MAGI1: variants seen among roughly 807,000 people sequenced by gnomAD.
MAGI1 encodes the protein membrane-associated guanylate kinase, WW and PDZ domain-containing protein 1.
Under a neutral mutation model 139.9 loss-of-function variants are expected in MAGI1, and 58 were observed. That is an observed-to-expected ratio of 0.41 (90% CI 0.34 to 0.52). The LOEUF is 0.52. Ranked by LOEUF, MAGI1 falls within the 20% of genes least tolerant of loss-of-function variation. The pLI, the probability that MAGI1 is intolerant of heterozygous loss-of-function variation, is 0.12. For synonymous variants in MAGI1, 812 were observed against 737.9 expected (o/e 1.10, Z -1.63); for missense variants, 1,874 against 1,901.6 (o/e 0.99, Z 0.27).
chr3:65,919,072 G>C (rs554413737), intron 1 of MAGI1, among the ~76,000 whole-genome samples: 145 of 152,328 alleles, frequency 9.5e-4, no homozygotes, highest in African/African-American at 2.5e-3. Context: ...GGTTAACATT[G>C]ATCTGTGAAG....
At chr3:65,459,375 G>A (rs1466657681) in intron 5 of MAGI1, among the ~76,000 whole-genome samples, 1 of 152,170 alleles carries the variant, frequency 6.6e-6, no homozygotes, top group Non-Finnish European at 1.5e-5. Context: ...CATTGAATGT[G>A]TAGACTTCTT....
chr3:65,892,447 A>T (rs1045122160), intron 1 of MAGI1, among the ~76,000 whole-genome samples: 1 of 152,254 alleles, frequency 6.6e-6, no homozygotes, highest in Admixed American at 6.5e-5. Context: ...AGATTTTATT[A>T]AGTGGCATAC....
In MAGI1 at chr3:66,038,673, C is replaced by G. The variant is rs954684653; in HGVS notation, c.-365G>C. 9 of 193,124 alleles carry G rather than the reference C, an allele frequency of 4.7e-5. No individual in the cohort carries two copies. Among genetic ancestry groups the G allele is most frequent in the Non-Finnish European group, 6.3e-5 (6 of 95,904 alleles). 12.0% of individuals were successfully genotyped at this position (193,124 alleles called of 1,614,324 possible). A position where few individuals can be genotyped will look rare whatever the true frequency, so the allele number is the denominator to read the frequency against. On this transcript the variant is annotated 5_prime_UTR_variant, in exon 1 of 23. Coordinates refer to ENST00000402939, the MANE Select transcript of MAGI1 (RefSeq NM_001033057.2). ...TCTCTTGCCTTTTACAAATGCGGTGCCTCCTCTTTGCCTCCCGCCCGGCTC... is the reference window on the plus strand; with the variant it reads ...TCTCTTGCCTTTTACAAATGCGGTGGCTCCTCTTTGCCTCCCGCCCGGCTC...
At chr3:65,876,226 G>A (rs960071482) in intron 1 of MAGI1, among the ~76,000 whole-genome samples, 2 of 152,054 alleles carry the variant, frequency 1.3e-5, no homozygotes, top group African/African-American at 4.8e-5. Context: ...GGAGGCTGAT[G>A]CAAGAGGATC....
chr3:65,708,312 T>C (rs184388121), intron 1 of MAGI1, among the ~76,000 whole-genome samples: 180 of 152,312 alleles, frequency 1.2e-3, no homozygotes, highest in Non-Finnish European at 2.0e-3. Flanking sequence ...TTAGCTTTCA[T>C]TGGGATAAGT....
intron 2 of MAGI1, chr3:65,609,869 G>C (rs903769451): frequency 2.0e-5 from 4 of 201,976 alleles, no homozygotes; most frequent in Middle Eastern, 9.6e-4. Context: ...GAGCCATCAC[G>C]CCCTGCTTCC....
intron 12 of MAGI1, among the ~76,000 whole-genome samples, chr3:65,424,155 A>G (rs1445637421): frequency 6.6e-6 from 1 of 152,198 alleles, no homozygotes; most frequent in East Asian, 1.9e-4. Flanking sequence ...TATCATGGTA[A>G]CACAGCTTGA....
At chr3:66,000,258 A>C (rs1414696290) in intron 1 of MAGI1, among the ~76,000 whole-genome samples, 1 of 152,002 alleles carries the variant, frequency 6.6e-6, no homozygotes, top group Non-Finnish European at 1.5e-5. Flanking sequence ...TTACAGGCTC[A>C]AGCCACCGCG....
intron 2 of MAGI1, among the ~76,000 whole-genome samples, chr3:65,552,014 G>A (rs1401604858): frequency 6.6e-6 from 1 of 152,190 alleles, no homozygotes; most frequent in African/African-American, 2.4e-5. Context: ...AGTGGGGGAG[G>A]CAGTGAGATA....
intron 1 of MAGI1, among the ~76,000 whole-genome samples, chr3:65,693,053 A>G (rs1392047362): frequency 2.2e-4 from 33 of 151,970 alleles, no homozygotes; most frequent in Admixed American, 2.2e-3. Flanking sequence ...CACCTCAGCC[A>G]CTTGAGTAGC....
chr3:65,893,589 A>C (rs2060853252), intron 1 of MAGI1, among the ~76,000 whole-genome samples: 1 of 152,226 alleles, frequency 6.6e-6, no homozygotes, highest in Admixed American at 6.5e-5. Context: ...TTTACAATTA[A>C]GAAAACAGAC....
chr3:65,947,492 T>C (rs1437289165), intron 1 of MAGI1, among the ~76,000 whole-genome samples: 2 of 152,206 alleles, frequency 1.3e-5, no homozygotes, highest in East Asian at 3.8e-4. Flanking sequence ...TTTTAAATCA[T>C]CAAATGAATA....
At chr3:65,982,015 G>C (rs1244067252) in intron 1 of MAGI1, among the ~76,000 whole-genome samples, 1 of 152,190 alleles carries the variant, frequency 6.6e-6, no homozygotes, top group African/African-American at 2.4e-5. Flanking sequence ...CGAGGCATCT[G>C]TCTGCCTCCA....
At chr3:65,757,320 C>G (rs1172178040) in intron 1 of MAGI1, among the ~76,000 whole-genome samples, 1 of 152,128 alleles carries the variant, frequency 6.6e-6, no homozygotes, top group Admixed American at 6.5e-5. Flanking sequence ...GCTATATAAC[C>G]AGTGGTCACA....
chr3:65,816,582 G>A (rs764244262), intron 1 of MAGI1, among the ~76,000 whole-genome samples: 9 of 151,266 alleles, frequency 5.9e-5, no homozygotes, highest in South Asian at 2.1e-4. Context: ...TGACATGACC[G>A]ATTGTCCAAA....
chr3:66,038,624 A>ATTTTTTT lies in MAGI1; in HGVS notation c.-323_-317dup. The ATTTTTTT allele has an allele frequency of 3.2e-6, 1 of 316,270 alleles. No individual in the cohort carries two copies. The highest frequency in any genetic ancestry group is 5.7e-6 in the Non-Finnish European group (1 of 174,500). The allele number at this position is 316,270 out of a possible 1,614,324, so 19.6% of individuals were successfully genotyped here. ...GAGTCCACTCTGCGCCGCTCGGGTT[A>ATTTTTTT]TTTTTTTTTCCTTCCTTCCTTTCTC... On this transcript the variant is annotated 5_prime_UTR_variant, in exon 1 of 23. Coordinates refer to ENST00000402939, the MANE Select transcript of MAGI1 (RefSeq NM_001033057.2).
intron 1 of MAGI1, among the ~76,000 whole-genome samples, chr3:65,723,381 T>TA (rs1287037791): frequency 6.6e-6 from 1 of 152,138 alleles, no homozygotes; most frequent in African/African-American, 2.4e-5. Flanking sequence ...ATCTGGAAGG[T>TA]GTTAAGAGTT....
chr3:65,668,263 C>G (rs530231490), intron 1 of MAGI1, among the ~76,000 whole-genome samples: 28 of 152,222 alleles, frequency 1.8e-4, no homozygotes, highest in African/African-American at 6.0e-4. Context: ...TAGCATAGTA[C>G]CTGGCACACA....
chr3:65,734,442 A>G (rs1468812128), intron 1 of MAGI1, among the ~76,000 whole-genome samples: 3 of 147,898 alleles, frequency 2.0e-5, no homozygotes, highest in Non-Finnish European at 3.0e-5. Flanking sequence ...CCTGGGCAAC[A>G]GAGTGAGACC....
Sources: allele counts gnomAD v4.1 joint callset (sites outside exome capture counted in the v4.1 genomes callset), GRCh38; gene constraint gnomAD v4.1.1; transcripts MANE v1.5; gene names NCBI Gene and HGNC (gene_info 2026-07-23, HGNC 2026-07-21).